KCNQ1: variants seen among roughly 807,000 people sequenced by gnomAD.
The protein encoded by KCNQ1 is potassium voltage-gated channel subfamily KQT member 1.
KCNQ1 carries 49 observed loss-of-function variants against 72.4 expected under a neutral mutation model. That is an observed-to-expected ratio of 0.68 (90% CI 0.54 to 0.86). The LOEUF is 0.86. Ranked by LOEUF, KCNQ1 falls within the 40% of genes least tolerant of loss-of-function variation. KCNQ1 has a pLI of 0.00. For synonymous variants in KCNQ1, 450 were observed against 412.6 expected (o/e 1.09, Z -1.10); for missense variants, 790 against 945.1 (o/e 0.84, Z 2.15).
intron 11 of KCNQ1, among the ~76,000 whole-genome samples, chr11:2,716,110 T>A (rs2133923289): frequency 1.3e-5 from 2 of 152,322 alleles, no homozygotes; most frequent in Admixed American, 1.3e-4. Flanking sequence ...ATTCCTAGCC[T>A]CCCTTGAGCG....
intron 10 of KCNQ1, chr11:2,615,377 A>G: frequency 5.0e-6 from 2 of 398,046 alleles, no homozygotes; most frequent in Non-Finnish European, 8.9e-6. Flanking sequence ...TTTGGATGCT[A>G]TTCATTTACC....
intron 11 of KCNQ1, among the ~76,000 whole-genome samples, chr11:2,730,505 TCCTC>T (rs1180097437): frequency 1.3e-5 from 2 of 152,042 alleles, no homozygotes; most frequent in East Asian, 3.9e-4. Flanking sequence ...CAACCTCCCT[TCCTC>T]CCTCTTTCTC....
rs1334567897 is a variant in KCNQ1, at chr11:2,695,468, G to A, written c.1514+33387G>A. The stretch of plus-strand genomic sequence containing the variant: ...GTGTCACTCAGCACTGTGTTTCCAC[G>A]CGTCTCTATCTTGTGAAGTGTACAT... On this transcript the variant is annotated intron_variant, in intron 11 of 15. Transcript: ENST00000155840. This position sits in a 1 kb window ranked among gnomAD's most constrained non-coding sequence, Gnocchi z 5.2. 7.5e-6 allele frequency: 3 copies of A among 398,434 alleles called. No homozygotes were observed. The highest frequency in any genetic ancestry group is 1.3e-4 in the South Asian group (1 of 7,844). The allele number at this position is 398,434 out of a possible 1,614,324, so 24.7% of individuals were successfully genotyped here.
At chr11:2,730,711 C>T (rs994419552) in intron 11 of KCNQ1, among the ~76,000 whole-genome samples, 11 of 152,266 alleles carry the variant, frequency 7.2e-5, no homozygotes, top group East Asian at 1.9e-4. Context: ...CTGGGGGAGG[C>T]GGATTATGGT....
intron 4 of KCNQ1, 21 bp from the exon 5 acceptor site, chr11:2,571,992 C>T: frequency 6.2e-7 from 1 of 1,605,030 alleles, no homozygotes; most frequent in Non-Finnish European, 8.5e-7. Context: ...CTCCCTCAGC[C>T]CCACACCATC....
At chr11:2,641,933 G>C (rs1359342505) in intron 10 of KCNQ1, 4 of 398,324 alleles carry the variant, frequency 1.0e-5, no homozygotes, top group African/African-American at 6.2e-5. Context: ...TCAAAAATCA[G>C]TTGGCTGTAA....
chr11:2,616,645 A>G (rs536558779), intron 10 of KCNQ1: 17 of 398,268 alleles, frequency 4.3e-5, no homozygotes, highest in African/African-American at 3.5e-4. Context: ...TCTTTGACAC[A>G]ATAATTTTTA....
intron 11 of KCNQ1, chr11:2,666,477 A>G: frequency 2.5e-6 from 1 of 398,692 alleles, no homozygotes; most frequent in Non-Finnish European, 4.4e-6. Flanking sequence ...TCTCACGCCA[A>G]GACATTCGAG....
At chr11:2,812,364 G>A (rs116535275) in intron 15 of KCNQ1, among the ~76,000 whole-genome samples, 2,036 of 151,442 alleles carry the variant, frequency 0.013, 49 homozygotes, top group African/African-American at 0.046. Flanking sequence ...GACCTGGGAC[G>A]CCGAGGAGGG....
At chr11:2,794,277 G>A (rs1234902744) in intron 15 of KCNQ1, among the ~76,000 whole-genome samples, 4 of 152,246 alleles carry the variant, frequency 2.6e-5, no homozygotes, top group African/African-American at 9.6e-5. Flanking sequence ...CAGACTGAGG[G>A]GAGAAAGGTT....
chr11:2,500,859 C>T (rs578093078), intron 1 of KCNQ1, among the ~76,000 whole-genome samples: 4 of 89,360 alleles, frequency 4.5e-5, no homozygotes, highest in African/African-American at 1.9e-4. Context: ...GAACATCACA[C>T]ACCGGGGTCT....
At position 2,563,217 on chromosome 11, in the gene KCNQ1, G is replaced by A. The variant is rs1175042984; in HGVS notation, c.478-7411G>A. 6.6e-6 allele frequency among the ~76,000 whole-genome samples: 1 copy of A among 152,080 alleles called. No homozygotes were observed. Among genetic ancestry groups the A allele is most frequent in the Non-Finnish European group, 1.5e-5 (1 of 68,018 alleles). Reference sequence around the variant, plus strand: ...ATCTTCGCTATGTTGGAGATTCGCCGGCTGATAAAAGCAAAACAATAGATA... The same window carrying A: ...ATCTTCGCTATGTTGGAGATTCGCCAGCTGATAAAAGCAAAACAATAGATA... On this transcript the variant is annotated intron_variant, in intron 2 of 15. Transcript: ENST00000155840. The surrounding 1 kb of genome is among the most constrained non-coding windows in gnomAD (Gnocchi z 7.4).
chr11:2,521,575 G>A (rs749593680), intron 1 of KCNQ1: 22 of 470,388 alleles, frequency 4.7e-5, no homozygotes, highest in South Asian at 3.4e-4. Flanking sequence ...CCCTGGGTGA[G>A]TTCCATGGTG....
rs1208814599 is a variant in KCNQ1 at position 2,567,050 on chromosome 11, G to T, written c.478-3578G>T. Among the ~76,000 whole-genome samples the T allele has an allele frequency of 2.0e-5, 3 of 151,868 alleles. No homozygotes were observed. The highest frequency in any genetic ancestry group is 4.4e-5 in the Non-Finnish European group (3 of 67,912). ...GGCAGGGGTGCCCCAGGGAATGGGG[G>T]GCACCTGGGGCCCACGGGAGGCTCT... On this transcript the variant is annotated intron_variant, in intron 2 of 15. Coordinates refer to ENST00000155840, the MANE Select transcript of KCNQ1 (RefSeq NM_000218.3). The surrounding 1 kb of genome is among the most constrained non-coding windows in gnomAD (Gnocchi z 6.6).
intron 11 of KCNQ1, among the ~76,000 whole-genome samples, chr11:2,744,408 A>G (rs755059851): frequency 2.6e-5 from 4 of 152,226 alleles, no homozygotes; most frequent in Non-Finnish European, 4.4e-5. Flanking sequence ...TTCTTGCTCC[A>G]GTACTGCAGA....
chr11:2,466,145 G>A lies in KCNQ1; in HGVS notation c.386+20661G>A, dbSNP rs576674612. Among the ~76,000 whole-genome samples the A allele has an allele frequency of 3.6e-4, 55 of 152,328 alleles. 1 individual carries two copies. Among genetic ancestry groups the A allele is most frequent in the Non-Finnish European group, 4.7e-4 (32 of 68,032 alleles). On this transcript the variant is annotated intron_variant, in intron 1 of 15. Transcript: ENST00000155840. ...CCTGAGGCTTTGCCTAGGGAGTGTC[G>A]CTGAGGAAGCTGGAACAGTGACCTT...
At chr11:2,606,257 T>C (rs11824197) in intron 10 of KCNQ1, among the ~76,000 whole-genome samples, 1,895 of 152,324 alleles carry the variant, frequency 0.012, 40 homozygotes, top group African/African-American at 0.041. Flanking sequence ...TTCGTTGTAA[T>C]TGTTTCACAA....
chr11:2,686,966 C>T (rs1850500325), intron 11 of KCNQ1: 2 of 398,662 alleles, frequency 5.0e-6, no homozygotes, highest in Non-Finnish European at 8.8e-6. Flanking sequence ...CATCCTGATG[C>T]AGAGGCAAGG....
chr11:2,775,414 G>A (rs1377495373), intron 12 of KCNQ1, among the ~76,000 whole-genome samples: 1 of 152,246 alleles, frequency 6.6e-6, no homozygotes, highest in African/African-American at 2.4e-5. Context: ...GCAGGCTAAG[G>A]CCGTCATCTG....
Sources: gnomAD v4.1 joint callset for allele counts (sites outside exome capture counted in the v4.1 genomes callset) on GRCh38, gnomAD v4.1.1 for gene constraint, Gnocchi (gnomAD v3.1) non-coding constraint, MANE v1.5 for transcripts, NCBI Gene and HGNC (gene_info 2026-07-23, HGNC 2026-07-21) for gene names.